The following JPH3 variants were observed in gnomAD, a reference collection of about 807,000 sequenced individuals.
JPH3 encodes junctophilin 3.
In JPH3, 11 loss-of-function variants were observed where a neutral mutation model predicts 59.6. The observed-to-expected ratio is 0.18, with a 90% confidence interval of 0.12 to 0.31. The LOEUF is 0.31. Ranked by LOEUF, JPH3 falls within the 10% of genes least tolerant of loss-of-function variation. JPH3 has a pLI of 1.00. For synonymous variants in JPH3, 673 were observed against 483.6 expected (o/e 1.39, Z -5.14); for missense variants, 1,202 against 1,105.7 (o/e 1.09, Z -1.24).
intron 1 of JPH3, among the ~76,000 whole-genome samples, chr16:87,620,711 C>T (rs567063653): frequency 6.6e-6 from 1 of 152,318 alleles, no homozygotes; most frequent in South Asian, 2.1e-4. Flanking sequence ...CGCTGTCCTC[C>T]TGCTGCCCGG....
chr16:87,644,185 A>T lies in JPH3; in HGVS notation c.383-73A>T, dbSNP rs918367. The stretch of plus-strand genomic sequence containing the variant: ...GCTCAGACAGGACTGTGGCTGCTTC[A>T]ACCCTGTCCGTGGCCAGGCTGTGCC... On this transcript the variant is annotated intron_variant, in intron 1 of 4. Transcript: ENST00000284262. 4.2e-5 allele frequency: 62 copies of T among 1,466,536 alleles called. No individual in the cohort carries two copies. In the African/African-American group the frequency reaches 7.5e-4, roughly 18 times the overall value. 90.8% of individuals were successfully genotyped at this position (1,466,536 alleles called of 1,614,324 possible). A position where few individuals can be genotyped will look rare whatever the true frequency, so the allele number is the denominator to read the frequency against.
At chr16:87,626,516 T>C (rs1469828695) in intron 1 of JPH3, among the ~76,000 whole-genome samples, 1 of 152,236 alleles carries the variant, frequency 6.6e-6, no homozygotes, top group African/African-American at 2.4e-5. Flanking sequence ...TGGGGGCCCC[T>C]GTGCCCAGGT....
At chr16:87,695,836 C>G (rs1218615096) in intron 4 of JPH3, 2 of 455,916 alleles carry the variant, frequency 4.4e-6, no homozygotes, top group East Asian at 1.4e-4. Flanking sequence ...TACCTGGCCC[C>G]GGCAAGCACA....
At chr16:87,636,531 G>C (rs1439939993) in intron 1 of JPH3, among the ~76,000 whole-genome samples, 9 of 152,226 alleles carry the variant, frequency 5.9e-5, no homozygotes, top group Admixed American at 2.6e-4. Context: ...GCTCCCGTCT[G>C]GGGGAAGCCC....
intron 1 of JPH3, among the ~76,000 whole-genome samples, chr16:87,636,110 C>G (rs536916926): frequency 2.6e-5 from 4 of 152,340 alleles, no homozygotes; most frequent in East Asian, 3.9e-4. Flanking sequence ...TTCATGCACA[C>G]AAGCCGCCTG....
chr16:87,655,012 C>G (rs993094566), intron 2 of JPH3: 2 of 152,176 alleles, frequency 1.3e-5, no homozygotes, highest in African/African-American at 4.8e-5. Flanking sequence ...GGGGGCATGG[C>G]CCGGCAAGTT....
intron 2 of JPH3, 130 bp from the exon 3 acceptor site, chr16:87,684,012 G>A (rs2033356607): frequency 1.6e-6 from 1 of 642,296 alleles, no homozygotes; most frequent in Non-Finnish European, 2.8e-6. Flanking sequence ...AGAAGTCTGA[G>A]GGTAAACATG....
intron 4 of JPH3, chr16:87,694,738 T>C (rs997282847): frequency 1.2e-5 from 2 of 163,758 alleles, no homozygotes; most frequent in Admixed American, 5.9e-5. Context: ...TTCCCAGTTA[T>C]ACAGCCATCA....
chr16:87,663,946 C>T lies in JPH3; in HGVS notation c.1160+18911C>T, dbSNP rs578112539. Among the ~76,000 whole-genome samples the T allele has an allele frequency of 1.1e-3, 161 of 152,254 alleles. 1 individual carries two copies. Among genetic ancestry groups the T allele is most frequent in the Non-Finnish European group, 2.0e-3 (134 of 68,024 alleles). On this transcript the variant is annotated intron_variant, in intron 2 of 4. Coordinates refer to ENST00000284262, the MANE Select transcript of JPH3 (RefSeq NM_020655.4). ...ATGCAGTGATTTCTAGGAATGCAGA[C>T]GTCGAGTTGTGGTGGAATCGACTCT...
chr16:87,656,332 G>A (rs534681648), intron 2 of JPH3, among the ~76,000 whole-genome samples: 2 of 152,174 alleles, frequency 1.3e-5, no homozygotes, highest in Non-Finnish European at 2.9e-5. Context: ...TTCCTGAGAC[G>A]GGGGGTGGGT....
intron 1 of JPH3, among the ~76,000 whole-genome samples, chr16:87,638,068 C>A (rs567641510): frequency 1.3e-5 from 2 of 152,028 alleles, no homozygotes; most frequent in African/African-American, 4.8e-5. Context: ...TACAGGTGCC[C>A]GCCACCATGC....
In JPH3 at chr16:87,652,878, C is replaced by T. The variant is rs535115788; in HGVS notation, c.1160+7843C>T. Among the ~76,000 whole-genome samples, 43 of 152,368 alleles carry T rather than the reference C, an allele frequency of 2.8e-4. 1 individual carries two copies. The East Asian group carries it at 6.0e-3, about 21-fold the overall frequency. ...TGACAAGTCCTGGGCACCTCTGCCACTCTTCTTCCTGCCCTGCACCCACTA... is the reference window on the plus strand; with the variant it reads ...TGACAAGTCCTGGGCACCTCTGCCATTCTTCTTCCTGCCCTGCACCCACTA... On this transcript the variant is annotated intron_variant, in intron 2 of 4. Transcript: ENST00000284262.
intron 2 of JPH3, among the ~76,000 whole-genome samples, chr16:87,647,739 C>T (rs1426501123): frequency 2.6e-5 from 4 of 152,322 alleles, no homozygotes; most frequent in Middle Eastern, 3.4e-3. Flanking sequence ...TGTGCACAGC[C>T]AGCACGTCCA....
At chr16:87,660,377 C>T (rs2032661914) in intron 2 of JPH3, among the ~76,000 whole-genome samples, 2 of 152,122 alleles carry the variant, frequency 1.3e-5, no homozygotes, top group Non-Finnish European at 1.5e-5. Flanking sequence ...GATTGAGTCC[C>T]AGCCCTGCTG....
intron 2 of JPH3, among the ~76,000 whole-genome samples, chr16:87,663,111 C>CTTTGTTTTTTTTT (rs1466941392): frequency 7.7e-6 from 1 of 129,438 alleles, no homozygotes; most frequent in African/African-American, 3.3e-5. Flanking sequence ...AGGTTAATTT[C>CTTTGTTTTTTTTT]TTTCTTTTTT....
chr16:87,637,466 G>A (rs1331911591), intron 1 of JPH3, among the ~76,000 whole-genome samples: 3 of 151,850 alleles, frequency 2.0e-5, no homozygotes, highest in Admixed American at 6.6e-5. Flanking sequence ...CTTGTGGTAC[G>A]GGGTCTGTTC....
intron 1 of JPH3, among the ~76,000 whole-genome samples, chr16:87,642,249 G>A (rs1039451579): frequency 1.8e-4 from 28 of 152,038 alleles, no homozygotes; most frequent in African/African-American, 5.8e-4. Flanking sequence ...TAGGGAAAGG[G>A]GGGGGGCAGT....
At chr16:87,674,859 C>G (rs1167315932) in intron 2 of JPH3, among the ~76,000 whole-genome samples, 3 of 152,110 alleles carry the variant, frequency 2.0e-5, no homozygotes, top group Admixed American at 1.3e-4. Flanking sequence ...CTCTTGGGTT[C>G]AAGCCATTCT....
intron 1 of JPH3, among the ~76,000 whole-genome samples, chr16:87,615,521 T>C (rs2030923340): frequency 1.3e-5 from 2 of 152,032 alleles, no homozygotes. Flanking sequence ...ATTTGTTTCG[T>C]CTCCTTGTGG....
Sources: gnomAD v4.1 joint callset for allele counts (sites outside exome capture counted in the v4.1 genomes callset) on GRCh38, gnomAD v4.1.1 for gene constraint, MANE v1.5 for transcripts, NCBI Gene and HGNC (gene_info 2026-07-23, HGNC 2026-07-21) for gene names.